Variants in CCDC92 observed in about 807,000 individuals in gnomAD.
CCDC92 encodes the protein coiled-coil domain-containing protein 92.
CCDC92 carries 12 observed loss-of-function variants against 24.9 expected under a neutral mutation model. That is an observed-to-expected ratio of 0.48 (90% confidence interval 0.31 to 0.78). The LOEUF (loss-of-function observed/expected upper bound fraction) is 0.78, where lower values mean the gene tolerates loss of function less well. Ranked by LOEUF, CCDC92 falls within the 30% of genes least tolerant of loss-of-function variation. The probability of loss-of-function intolerance (pLI) is 0.05; values close to 1 mark genes in which losing one functional copy is unlikely to be tolerated. For missense variants in CCDC92, 399 were observed against 439.4 expected (o/e 0.91, Z 0.82); for synonymous variants, 193 against 196.3 (o/e 0.98, Z 0.14).
At chr12:123,943,827 G>A (rs1238400473) in intron 2 of CCDC92, 2 of 450,680 alleles carry the variant, frequency 4.4e-6, no homozygotes, top group East Asian at 3.7e-5. Flanking sequence ...AGGCAGATTC[G>A]CGAGCCTGGG....
rs1412411466 is a variant in CCDC92, at chr12:123,937,168, G to A, written c.886C>T (p.His296Tyr). The stretch of plus-strand genomic sequence containing the variant: ...TGGGCCTGCGGCGGGGTGGCGTGGT[G>A]GATCCGATGTGCCACCCCGACGTGG... ...KAHVGVAHRI[H>Y]HATPPQAQPE... The change falls in exon 5 of 5, where the codon CAC (histidine) becomes TAC (tyrosine). Residue 296 changes from histidine to tyrosine, a missense_variant. Transcript: ENST00000238156. The surrounding 1 kb of genome is among the most constrained non-coding windows in gnomAD (Gnocchi z 8.4). 1 of 1,610,594 alleles carries A rather than the reference G, an allele frequency of 6.2e-7. No individual in the cohort carries two copies. Among genetic ancestry groups the A allele is most frequent in the South Asian group, 1.1e-5 (1 of 91,036 alleles).
At chr12:123,948,401 C>T (rs1050538545) in intron 1 of CCDC92, among the ~76,000 whole-genome samples, 22 of 152,240 alleles carry the variant, frequency 1.4e-4, no homozygotes, top group African/African-American at 3.9e-4. Flanking sequence ...ATTATAACAA[C>T]GCTGTGTGTC....
At chr12:123,939,654 T>C (rs1955626792) in intron 4 of CCDC92, among the ~76,000 whole-genome samples, 1 of 152,334 alleles carries the variant, frequency 6.6e-6, no homozygotes, top group African/African-American at 2.4e-5. Context: ...TGTGCAGGTA[T>C]AATGTCAGCA....
chr12:123,936,813 G>A lies in CCDC92; in HGVS notation c.*245C>T, dbSNP rs1955510449. On this transcript the variant is annotated 3_prime_UTR_variant, in exon 5 of 5. Coordinates refer to ENST00000238156, the MANE Select transcript of CCDC92 (RefSeq NM_025140.3). The stretch of plus-strand genomic sequence containing the variant: ...CTGCAGCGCACTTAGGTTACACGGA[G>A]CGGGATCAGAAGCAAGCGATTCGGC... The A allele has an allele frequency of 1.0e-5, 6 of 595,276 alleles. No individual in the cohort carries two copies. Among genetic ancestry groups the A allele is most frequent in the Non-Finnish European group, 1.8e-5 (6 of 336,384 alleles). 36.9% of individuals were successfully genotyped at this position (595,276 alleles called of 1,614,324 possible).
rs1955516796 is a variant in CCDC92 at position 123,936,987 on chromosome 12, A to G, written c.*71T>C. On this transcript the variant is annotated 3_prime_UTR_variant, in exon 5 of 5. Transcript: ENST00000238156. ...GTTTGGCATGCATGGGATTAAACAG[A>G]AAAGGTGTGGCTGAGATTTCCCAGT... 1 of 1,555,312 alleles carries G rather than the reference A, an allele frequency of 6.4e-7. No homozygotes were observed. The highest frequency in any genetic ancestry group is 8.8e-7 in the Non-Finnish European group (1 of 1,137,946).
At chr12:123,944,873 G>A (rs1470943730) in intron 1 of CCDC92, 1 of 151,770 alleles carries the variant, frequency 6.6e-6, no homozygotes, top group African/African-American at 2.4e-5. Flanking sequence ...TGGCAGGAGA[G>A]GGCAGTGGCC....
At chr12:123,954,737 T>G (rs368573382) in intron 1 of CCDC92, among the ~76,000 whole-genome samples, 18 of 152,360 alleles carry the variant, frequency 1.2e-4, no homozygotes, top group East Asian at 1.2e-3. Flanking sequence ...CAGGCCAAGA[T>G]AGGCAAATAC....
At chr12:123,948,213 T>C (rs1042006651) in intron 1 of CCDC92, among the ~76,000 whole-genome samples, 1 of 152,224 alleles carries the variant, frequency 6.6e-6, no homozygotes, top group Admixed American at 6.5e-5. Flanking sequence ...GATGTGCCTA[T>C]ATGTAGATGT....
At chr12:123,960,975 G>A (rs1374800318) in intron 1 of CCDC92, 1 of 152,234 alleles carries the variant, frequency 6.6e-6, no homozygotes, top group African/African-American at 2.4e-5. Flanking sequence ...GCATCTGGAG[G>A]TGAAAGATCA....
At chr12:123,941,707 G>A (rs1955690441) in intron 4 of CCDC92, among the ~76,000 whole-genome samples, 1 of 152,212 alleles carries the variant, frequency 6.6e-6, no homozygotes, top group Admixed American at 6.5e-5. Context: ...GCGAGCCCTG[G>A]ACCATAGTGC....
At chr12:123,952,532 C>T (rs1209135122) in intron 1 of CCDC92, among the ~76,000 whole-genome samples, 2 of 152,250 alleles carry the variant, frequency 1.3e-5, no homozygotes, top group East Asian at 3.8e-4. Flanking sequence ...TAAGAAAGGA[C>T]ACTCACCATC....
chr12:123,959,372 T>C (rs1042558595), intron 1 of CCDC92, among the ~76,000 whole-genome samples: 1 of 152,118 alleles, frequency 6.6e-6, no homozygotes, highest in East Asian at 1.9e-4. Flanking sequence ...TGGAGTGCAG[T>C]GGTGCAATCG....
intron 1 of CCDC92, among the ~76,000 whole-genome samples, chr12:123,965,480 G>A (rs1429147699): frequency 2.0e-5 from 3 of 152,208 alleles, no homozygotes; most frequent in Admixed American, 2.0e-4. Context: ...TGTGAAAACA[G>A]TGAGGGCTGC....
chr12:123,957,356 T>C (rs978874495), intron 1 of CCDC92, among the ~76,000 whole-genome samples: 1 of 152,226 alleles, frequency 6.6e-6, no homozygotes, highest in Admixed American at 6.5e-5. Context: ...CCTGAGGTCA[T>C]ACCTGGCAGC....
intron 3 of CCDC92, among the ~76,000 whole-genome samples, 163 bp from the exon 4 acceptor site, chr12:123,942,948 C>T (rs1390828085): frequency 6.6e-6 from 1 of 152,190 alleles, no homozygotes; most frequent in Non-Finnish European, 1.5e-5. Flanking sequence ...CAGAAAACAT[C>T]TGCGGCCACT....
chr12:123,948,152 A>G (rs1955929084), intron 1 of CCDC92, among the ~76,000 whole-genome samples: 2 of 152,122 alleles, frequency 1.3e-5, no homozygotes, highest in Non-Finnish European at 2.9e-5. Flanking sequence ...GATATACTAA[A>G]ACATCCCGAA....
intron 4 of CCDC92, among the ~76,000 whole-genome samples, chr12:123,940,605 C>A (rs1475163942): frequency 6.6e-6 from 1 of 152,230 alleles, no homozygotes; most frequent in Non-Finnish European, 1.5e-5. Flanking sequence ...CTCCACTCCA[C>A]CTCCTCCTCT....
rs139263264 is a variant in CCDC92, at chr12:123,937,211, G to A, written c.843C>T (p.Arg281=). 48 of 1,609,390 alleles carry A rather than the reference G, an allele frequency of 3.0e-5. No individual in the cohort carries two copies. The highest frequency in any genetic ancestry group is 8.3e-5 in the Admixed American group (5 of 59,926). The change falls in exon 5 of 5, where the codon CGC becomes CGT. Residue 281 remains arginine, a synonymous_variant. Coordinates refer to ENST00000238156, the MANE Select transcript of CCDC92 (RefSeq NM_025140.3). This position sits in a 1 kb window ranked among gnomAD's most constrained non-coding sequence, Gnocchi z 8.4. ...CGACGTGGGCCTTGTGCGGCTTTTC[G>A]CGGGCCGGGCTGTGCTGCTCGCCGC... The part of the protein sequence containing the change: ...DRSGEQHSPA[R]EKPHKAHVGV...
At chr12:123,941,759 C>G (rs1429114878) in intron 4 of CCDC92, among the ~76,000 whole-genome samples, 1 of 152,240 alleles carries the variant, frequency 6.6e-6, no homozygotes, top group Admixed American at 6.5e-5. Flanking sequence ...CCTCTCATGA[C>G]TAGCTTCCTC....
Sources: allele counts gnomAD v4.1 joint callset (sites outside exome capture counted in the v4.1 genomes callset), GRCh38; gene constraint gnomAD v4.1.1; non-coding constraint Gnocchi (gnomAD v3.1); transcripts MANE v1.5; gene names NCBI Gene and HGNC (gene_info 2026-07-23, HGNC 2026-07-21).